The following MICAL3 variants were observed in gnomAD, a reference collection of about 807,000 sequenced individuals.
MICAL3 encodes microtubule associated monooxygenase, calponin and LIM domain containing 3.
A neutral mutation model predicts 207.4 loss-of-function variants in MICAL3; 62 were observed. The ratio of observed to expected loss-of-function variants is 0.30; its 90% CI spans 0.24 to 0.37. The LOEUF is 0.37. Among genes scored for constraint, MICAL3 ranks in the 10% least tolerant of loss-of-function variants. MICAL3 has a pLI of 1.00. For synonymous variants in MICAL3, 1,077 were observed against 1,069.3 expected (o/e 1.01, Z -0.14); for missense variants, 2,368 against 2,635.6 (o/e 0.90, Z 2.22).
intron 27 of MICAL3, among the ~76,000 whole-genome samples, chr22:17,816,100 TG>T (rs1309997017): frequency 6.6e-6 from 1 of 152,194 alleles, no homozygotes; most frequent in African/African-American, 2.4e-5. Flanking sequence ...GACAGGTGCC[TG>T]TTAGAGTGTG....
chr22:17,809,129 G>A (rs976441837), intron 28 of MICAL3, among the ~76,000 whole-genome samples, 192 bp from the exon 29 acceptor site: 2 of 152,332 alleles, frequency 1.3e-5, no homozygotes, highest in South Asian at 2.1e-4. Context: ...TAGACGCCAG[G>A]CTCCGGGCCT....
intron 20 of MICAL3, among the ~76,000 whole-genome samples, chr22:17,838,821 G>A (rs967682929): frequency 4.6e-5 from 7 of 152,284 alleles, no homozygotes; most frequent in African/African-American, 1.7e-4. Context: ...AGGAAGGACC[G>A]ACGGCTGGAA....
In MICAL3 at chr22:17,793,635, G is replaced by C. The variant is rs767111353; in HGVS notation, c.5651-2334C>G. ...CTATTGAGGGTCAGAGAGAAAGAAAGAGAGAGAGGTAGGTGGGTTCTGGCT... is the reference window on the plus strand; with the variant it reads ...CTATTGAGGGTCAGAGAGAAAGAAACAGAGAGAGGTAGGTGGGTTCTGGCT... On this transcript the variant is annotated intron_variant, in intron 29 of 31. Transcript: ENST00000441493. The surrounding 1 kb of genome is among the most constrained non-coding windows in gnomAD (Gnocchi z 4.1). 6.6e-6 allele frequency: 1 copy of C among 152,374 alleles called. No homozygotes were observed. Among genetic ancestry groups the C allele is most frequent in the Non-Finnish European group, 1.5e-5 (1 of 68,114 alleles). The allele number at this position is 152,374 out of a possible 1,614,324, so 9.4% of individuals were successfully genotyped here.
Position 17,801,162 on chromosome 22 carries a change from T to TGCTGGAATTCTAAATCCAAAAAGCTAG in MICAL3, c.5650+7681_5650+7682insCTAGCTTTTTGGATTTAGAATTCCAGC, listed in dbSNP as rs1230218029. Among the ~76,000 whole-genome samples the TGCTGGAATTCTAAATCCAAAAAGCTAG allele has an allele frequency of 6.9e-4, 69 of 100,194 alleles. 6 individuals are homozygous for TGCTGGAATTCTAAATCCAAAAAGCTAG. The highest frequency in any genetic ancestry group is 4.5e-3 in the Middle Eastern group (1 of 224). 65.7% of individuals were successfully genotyped at this position (100,194 alleles called of 152,430 possible). A position where few individuals can be genotyped will look rare whatever the true frequency, so the allele number is the denominator to read the frequency against. On this transcript the variant is annotated intron_variant, in intron 29 of 31. Transcript: ENST00000441493. ...GTTTCCTTTTTCTTTTTTTTTTTTT[T>TGCTGGAATTCTAAATCCAAAAAGCTAG]TTTTTTTTGAGACGGAGTCTCGCTC...
chr22:17,950,281 C>G (rs565498091), intron 1 of MICAL3, among the ~76,000 whole-genome samples: 75 of 151,486 alleles, frequency 5.0e-4, no homozygotes, highest in African/African-American at 1.8e-3. Context: ...TGTACCTTGG[C>G]CTCTCAAGCA....
intron 1 of MICAL3, among the ~76,000 whole-genome samples, chr22:17,971,780 CT>C (rs1406779533): frequency 6.6e-6 from 1 of 152,242 alleles, no homozygotes; most frequent in Admixed American, 6.5e-5. Flanking sequence ...AAGGGGCCCC[CT>C]GGCCCTTCAG....
intron 1 of MICAL3, among the ~76,000 whole-genome samples, chr22:17,954,862 T>G (rs1363382541): frequency 6.6e-6 from 1 of 152,138 alleles, no homozygotes; most frequent in Non-Finnish European, 1.5e-5. Flanking sequence ...TTTCTGGGAT[T>G]ACAGGCGGAC....
intron 27 of MICAL3, chr22:17,811,151 C>T (rs546116389): frequency 5.6e-5 from 11 of 196,564 alleles, no homozygotes; most frequent in African/African-American, 1.8e-4. Context: ...AAGGGACACA[C>T]GCTCCTTTAT....
At chr22:17,894,062 A>G (rs1462183890) in intron 10 of MICAL3, among the ~76,000 whole-genome samples, 158 bp from the exon 11 acceptor site, 1 of 152,198 alleles carries the variant, frequency 6.6e-6, no homozygotes, top group Non-Finnish European at 1.5e-5. Flanking sequence ...TTTATGAAAT[A>G]AGGTGGGGTT....
At position 17,900,938 on chromosome 22, in the gene MICAL3, T is replaced by C; in HGVS notation, c.751A>G (p.Asn251Asp). The change falls in exon 6 of 32, where the codon AAC becomes GAC. Residue 251 changes from asparagine (N) to aspartate (D), a missense_variant. Around this residue, in one of 4 missense-constraint regions of MICAL3, gnomAD observed 400 missense variants for 547.0 expected, o/e 0.73. Transcript: ENST00000441493. The surrounding 1 kb of genome is among the most constrained non-coding windows in gnomAD (Gnocchi z 4.0). Reference sequence around the variant, plus strand: ...TTAGCTTCTGCTGTTGTATTTCGGTTGATAAAATTTGCCGTGATGGCGATG... The same window carrying C: ...TTAGCTTCTGCTGTTGTATTTCGGTCGATAAAATTTGCCGTGATGGCGATG... ...LAIAITANFINRNTTAEAKVE... is the reference protein window; with the variant it reads ...LAIAITANFIDRNTTAEAKVE... 2 of 1,614,042 alleles carry C rather than the reference T, an allele frequency of 1.2e-6. No individual in the cohort carries two copies. Among genetic ancestry groups the C allele is most frequent in the Non-Finnish European group, 1.7e-6 (2 of 1,179,880 alleles).
At chr22:17,887,843 G>A (rs1186157471) in intron 13 of MICAL3, among the ~76,000 whole-genome samples, 1 of 152,156 alleles carries the variant, frequency 6.6e-6, no homozygotes, top group Non-Finnish European at 1.5e-5. Flanking sequence ...AGGGTTCCTG[G>A]TTTTAGTGTA....
chr22:17,874,278 C>T lies in MICAL3; in HGVS notation c.2242-2255G>A, dbSNP rs181465833. On this transcript the variant is annotated intron_variant, in intron 16 of 31. Coordinates refer to ENST00000441493, the MANE Select transcript of MICAL3 (RefSeq NM_015241.3). The stretch of plus-strand genomic sequence containing the variant: ...CACGTGGCTCTCAGATCTAAACCTT[C>T]TTTAGGGACACTAAAGAAACTGAGG... Among the ~76,000 whole-genome samples the T allele has an allele frequency of 6.0e-5, 9 of 151,128 alleles. No individual in the cohort carries two copies. The East Asian group carries it at 1.7e-3, about 29-fold the overall frequency.
chr22:17,990,292 A>T (rs144827766), intron 1 of MICAL3, among the ~76,000 whole-genome samples: 1 of 152,210 alleles, frequency 6.6e-6, no homozygotes, highest in African/African-American at 2.4e-5. Context: ...CCATCCAAAC[A>T]CCGCAAAGAA....
chr22:17,864,983 C>G lies in MICAL3; in HGVS notation c.2521G>C (p.Ala841Pro), dbSNP rs775447661. 18 of 1,602,558 alleles carry G rather than the reference C, an allele frequency of 1.1e-5. No individual in the cohort carries two copies. The African/African-American group carries it at 2.0e-4, about 18-fold the overall frequency. Residue 841 changes from alanine to proline, a missense_variant, in exon 19 of 32, where the codon GCC becomes CCC. Physicochemically the swap from Ala to Pro is conservative, Grantham distance 27 (BLOSUM62 -1). Around this residue, in one of 4 missense-constraint regions of MICAL3, gnomAD observed 1,770 missense variants for 1,863.2 expected, o/e 0.95. Coordinates refer to ENST00000441493, the MANE Select transcript of MICAL3 (RefSeq NM_015241.3). Reference protein sequence around the residue: ...PAVAPLSGKEAKGPLQDGATT... With the variant: ...PAVAPLSGKEPKGPLQDGATT... Reference sequence around the variant, plus strand: ...GCGCCATCCTGCAGGGGTCCTTTGGCCTCCTAGGAAAGTTCATGAGAAAAA... The same window carrying G: ...GCGCCATCCTGCAGGGGTCCTTTGGGCTCCTAGGAAAGTTCATGAGAAAAA...
At chr22:17,872,699 C>T (rs749980688) in intron 16 of MICAL3, 3 of 1,153,060 alleles carry the variant, frequency 2.6e-6, no homozygotes, top group East Asian at 4.7e-5. Context: ...GTGTGTTTCC[C>T]ATGGCTGTGC....
chr22:17,809,999 G>A (rs937069030), intron 28 of MICAL3, among the ~76,000 whole-genome samples: 5 of 149,136 alleles, frequency 3.4e-5, no homozygotes, highest in Non-Finnish European at 7.4e-5. Context: ...AGCGATTCTC[G>A]TGCCTCAGCC....
chr22:17,867,992 A>C (rs147652805), intron 17 of MICAL3, among the ~76,000 whole-genome samples: 1 of 152,328 alleles, frequency 6.6e-6, no homozygotes, highest in Non-Finnish European at 1.5e-5. Context: ...TTGGTATCCT[A>C]AACTAATAAA....
intron 1 of MICAL3, among the ~76,000 whole-genome samples, chr22:17,947,759 G>A (rs1934143847): frequency 6.6e-6 from 1 of 152,050 alleles, no homozygotes; most frequent in Non-Finnish European, 1.5e-5. Context: ...TGTAGAGATG[G>A]CATCTTGCTA....
rs946016761 is a variant in MICAL3, at chr22:17,900,928, G to T, written c.761C>A (p.Thr254Lys). Reference protein sequence around the residue: ...AITANFINRNTTAEAKVEEIS... With the variant: ...AITANFINRNKTAEAKVEEIS... ...CTCTTCCACTTTAGCTTCTGCTGTT[G>T]TATTTCGGTTGATAAAATTTGCCGT... Residue 254 changes from threonine to lysine, a missense_variant, in exon 6 of 32, where the codon ACA becomes AAA. Around this residue, in one of 4 missense-constraint regions of MICAL3, gnomAD observed 400 missense variants for 547.0 expected, o/e 0.73. Coordinates refer to ENST00000441493, the MANE Select transcript of MICAL3 (RefSeq NM_015241.3). The surrounding 1 kb of genome is among the most constrained non-coding windows in gnomAD (Gnocchi z 4.0). The T allele has an allele frequency of 3.1e-6, 5 of 1,613,830 alleles. No individual in the cohort carries two copies. Among genetic ancestry groups the T allele is most frequent in the Admixed American group, 3.3e-5 (2 of 60,006 alleles).
Sources: allele counts gnomAD v4.1 joint callset (sites outside exome capture counted in the v4.1 genomes callset), GRCh38; gene constraint gnomAD v4.1.1; regional missense constraint gnomAD v4.1.1; non-coding constraint Gnocchi (gnomAD v3.1); transcripts MANE v1.5; gene names NCBI Gene and HGNC (gene_info 2026-07-23, HGNC 2026-07-21).